The following LAMA2 variants were observed in gnomAD, a reference collection of about 807,000 sequenced individuals.
LAMA2 encodes the protein laminin subunit alpha 2.
A neutral mutation model predicts 364.8 loss-of-function variants in LAMA2; 269 were observed. The ratio of observed to expected loss-of-function variants is 0.74; its 90% CI spans 0.67 to 0.82. The LOEUF is 0.82. Among genes scored for constraint, LAMA2 ranks in the 40% least tolerant of loss-of-function variants. LAMA2 has a pLI of 0.00. For synonymous variants in LAMA2, 1,379 were observed against 1,370.6 expected (o/e 1.01, Z -0.14); for missense variants, 3,807 against 3,873.2 (o/e 0.98, Z 0.45).
intron 1 of LAMA2, among the ~76,000 whole-genome samples, chr6:128,895,521 G>A (rs1034328461): frequency 1.3e-5 from 2 of 151,040 alleles, no homozygotes; most frequent in Non-Finnish European, 2.9e-5. Context: ...GGTGGCGGGC[G>A]CTTGTAGTGC....
At chr6:129,435,596 T>C (rs111911733) in intron 41 of LAMA2, among the ~76,000 whole-genome samples, 4 of 152,276 alleles carry the variant, frequency 2.6e-5, no homozygotes, top group African/African-American at 9.6e-5. Context: ...TTTGCTGGAA[T>C]ATTTTATGCT....
chr6:129,097,417 T>G (rs1231099392), intron 3 of LAMA2, among the ~76,000 whole-genome samples: 1 of 152,212 alleles, frequency 6.6e-6, no homozygotes, highest in Non-Finnish European at 1.5e-5. Flanking sequence ...CTATATAAAT[T>G]TGTAAATAGA....
chr6:129,271,728 T>A (rs1787955599), intron 17 of LAMA2, among the ~76,000 whole-genome samples: 1 of 152,170 alleles, frequency 6.6e-6, no homozygotes, highest in Non-Finnish European at 1.5e-5. Context: ...AAGGTTCATA[T>A]CGTATTGTAC....
At chr6:129,460,135 A>G in intron 48 of LAMA2, 65 bp from the exon 49 acceptor site, 1 of 1,510,056 alleles carries the variant, frequency 6.6e-7, no homozygotes, top group Non-Finnish European at 9.2e-7. Context: ...AATAACTCTC[A>G]TGGATAAACC....
intron 1 of LAMA2, among the ~76,000 whole-genome samples, chr6:128,987,502 A>G (rs1213220463): frequency 1.3e-5 from 2 of 152,218 alleles, no homozygotes; most frequent in African/African-American, 4.8e-5. Context: ...AATTTATTAG[A>G]TGTTGTCAAA....
At chr6:129,217,569 A>G (rs568883883) in intron 12 of LAMA2, among the ~76,000 whole-genome samples, 22 of 152,332 alleles carry the variant, frequency 1.4e-4, no homozygotes, top group African/African-American at 5.3e-4. Context: ...AAAATCTGTT[A>G]TCATGTTGTC....
At chr6:129,502,190 AG>A (rs1785700255) in intron 58 of LAMA2, among the ~76,000 whole-genome samples, 1 of 152,314 alleles carries the variant, frequency 6.6e-6, no homozygotes, top group Admixed American at 6.5e-5. Flanking sequence ...GAAACCTTCT[AG>A]TGGACTGATA....
At chr6:129,505,385 A>G (rs1289033094) in intron 61 of LAMA2, 30 bp downstream of exon 61, 1 of 1,562,910 alleles carries the variant, frequency 6.4e-7, no homozygotes, top group East Asian at 2.2e-5. Flanking sequence ...TTTATTACTT[A>G]AATATATGGC....
intron 12 of LAMA2, among the ~76,000 whole-genome samples, chr6:129,238,492 G>GT (rs1562366633): frequency 6.6e-6 from 1 of 152,034 alleles, no homozygotes. Context: ...TAGAAAGTGG[G>GT]TAAGTCTCAT....
intron 14 of LAMA2, among the ~76,000 whole-genome samples, chr6:129,256,963 A>G (rs1786736717): frequency 6.6e-6 from 1 of 151,538 alleles, no homozygotes; most frequent in Admixed American, 6.6e-5. Context: ...CACCAAGACA[A>G]CGTTTCTGAA....
intron 1 of LAMA2, among the ~76,000 whole-genome samples, chr6:129,048,527 TCC>T (rs1413462872): frequency 1.2e-3 from 58 of 49,454 alleles, no homozygotes; most frequent in Non-Finnish European, 1.8e-3. Context: ...CTTCCTTCCT[TCC>T]TTCCTTCCTT....
chr6:129,502,991 C>G, intron 59 of LAMA2, 100 bp from the exon 60 acceptor site: 1 of 1,180,438 alleles, frequency 8.5e-7, no homozygotes, highest in Non-Finnish European at 1.3e-6. Context: ...GAAGGTTTTA[C>G]TCTCCTTTAT....
intron 1 of LAMA2, among the ~76,000 whole-genome samples, chr6:129,017,690 G>A (rs1177061488): frequency 1.3e-5 from 2 of 152,066 alleles, no homozygotes; most frequent in East Asian, 1.9e-4. Context: ...ATGATAACAT[G>A]TGATAGGTGT....
chr6:129,231,715 T>C (rs930946744), intron 12 of LAMA2, among the ~76,000 whole-genome samples: 2 of 150,906 alleles, frequency 1.3e-5, no homozygotes, highest in Non-Finnish European at 3.0e-5. Context: ...TCTTTCTTTT[T>C]ACATTGATGA....
At chr6:129,351,884 G>A (rs763626467) in intron 31 of LAMA2, among the ~76,000 whole-genome samples, 1 of 151,996 alleles carries the variant, frequency 6.6e-6, no homozygotes, top group Non-Finnish European at 1.5e-5. Context: ...ATGTATAAAA[G>A]CCTAATGTCA....
At chr6:129,037,116 C>G (rs1257821163) in intron 1 of LAMA2, among the ~76,000 whole-genome samples, 5 of 152,140 alleles carry the variant, frequency 3.3e-5, no homozygotes, top group African/African-American at 9.7e-5. Context: ...TCTCTTTTGT[C>G]TTTTAAATAT....
At chr6:128,902,573 A>G (rs1777156450) in intron 1 of LAMA2, among the ~76,000 whole-genome samples, 1 of 152,194 alleles carries the variant, frequency 6.6e-6, no homozygotes, top group Non-Finnish European at 1.5e-5. Flanking sequence ...ACAAAGGTAG[A>G]CTCAGCAATG....
At chr6:129,340,109 TG>T (rs1776179259) in intron 29 of LAMA2, among the ~76,000 whole-genome samples, 2 of 152,190 alleles carry the variant, frequency 1.3e-5, no homozygotes, top group Non-Finnish European at 2.9e-5. Flanking sequence ...GCCTGATGAT[TG>T]TAAGTTTTGC....
At chr6:129,115,722 G>A (rs780339023) in intron 4 of LAMA2, among the ~76,000 whole-genome samples, 38 of 152,170 alleles carry the variant, frequency 2.5e-4, no homozygotes, top group Admixed American at 1.7e-3. Flanking sequence ...ATCAGGCCTG[G>A]TTTGGAATCT....
Sources: allele counts gnomAD v4.1 joint callset (sites outside exome capture counted in the v4.1 genomes callset), GRCh38; gene constraint gnomAD v4.1.1; transcripts MANE v1.5; gene names NCBI Gene and HGNC (gene_info 2026-07-23, HGNC 2026-07-21).